ACSL1: variants seen among roughly 807,000 people sequenced by gnomAD.
ACSL1 encodes the protein long-chain-fatty-acid--CoA ligase 1.
ACSL1 carries 41 observed loss-of-function variants against 98.4 expected under a neutral mutation model. The ratio of observed to expected loss-of-function variants is 0.42; its 90% CI spans 0.32 to 0.54. ACSL1 has a LOEUF of 0.54. Ranked by LOEUF, ACSL1 falls within the 20% of genes least tolerant of loss-of-function variation. The pLI is 0.13. For missense variants in ACSL1, 734 were observed against 883.1 expected (o/e 0.83, Z 2.14); for synonymous variants, 316 against 322.7 (o/e 0.98, Z 0.22).
At chr4:184,806,188 T>C (rs1279531348) in intron 1 of ACSL1, among the ~76,000 whole-genome samples, 1 of 152,162 alleles carries the variant, frequency 6.6e-6, no homozygotes, top group African/African-American at 2.4e-5. Flanking sequence ...AAGCAAGGTC[T>C]GCAAGGCACG....
intron 7 of ACSL1, among the ~76,000 whole-genome samples, chr4:184,774,530 C>T (rs1383128852): frequency 5.3e-5 from 8 of 152,100 alleles, no homozygotes; most frequent in Admixed American, 1.3e-4. Flanking sequence ...AAGCATTGCG[C>T]GGGGACAGCA....
In ACSL1 at chr4:184,773,584, A is replaced by G; in HGVS notation, c.841+79T>C. On this transcript the variant is annotated intron_variant, in intron 9 of 20. Transcript: ENST00000281455. The surrounding 1 kb of genome is among the most constrained non-coding windows in gnomAD (Gnocchi z 4.3). ...CTTTTGGTCCGTCTACTGTTAGCTG[A>G]TAAGTCATCCAAAAGAGGTAGGGGA... The G allele has an allele frequency of 2.2e-6, 3 of 1,371,338 alleles. No homozygotes were observed. Among genetic ancestry groups the G allele is most frequent in the Non-Finnish European group, 3.0e-6 (3 of 996,510 alleles). The allele number at this position is 1,371,338 out of a possible 1,614,324, so 84.9% of individuals were successfully genotyped here. A position where few individuals can be genotyped will look rare whatever the true frequency, so the allele number is the denominator to read the frequency against.
At chr4:184,762,249 C>T (rs530775537) in intron 17 of ACSL1, among the ~76,000 whole-genome samples, 158 bp downstream of exon 17, 78 of 152,214 alleles carry the variant, frequency 5.1e-4, no homozygotes, top group Non-Finnish European at 8.1e-4. Flanking sequence ...CTGTCCCCTG[C>T]AGGAAATGGA....
chr4:184,811,382 G>A (rs1055875307), intron 1 of ACSL1, among the ~76,000 whole-genome samples: 2 of 152,206 alleles, frequency 1.3e-5, no homozygotes, highest in African/African-American at 2.4e-5. Context: ...AAAGTGCTGG[G>A]ATTACAGGTG....
intron 10 of ACSL1, among the ~76,000 whole-genome samples, chr4:184,770,932 T>G (rs1764417480): frequency 6.6e-6 from 1 of 152,192 alleles, no homozygotes; most frequent in Non-Finnish European, 1.5e-5. Context: ...AAGACCAGCC[T>G]GGCCAACATG....
intron 2 of ACSL1, among the ~76,000 whole-genome samples, chr4:184,793,902 T>C (rs1053254064): frequency 5.3e-5 from 8 of 152,230 alleles, no homozygotes; most frequent in Non-Finnish European, 2.9e-5. Flanking sequence ...CTCAAGTCCC[T>C]GATATAAAAT....
rs368315348 is a variant in ACSL1 at position 184,773,831 on chromosome 4, C to T, written c.789+12G>A. The T allele has an allele frequency of 1.4e-5, 23 of 1,613,760 alleles. No individual in the cohort carries two copies. The highest frequency in any genetic ancestry group is 7.7e-5 in the South Asian group (7 of 91,078). On this transcript the variant is annotated intron_variant, in intron 8 of 20. Transcript: ENST00000281455. This position sits in a 1 kb window ranked among gnomAD's most constrained non-coding sequence, Gnocchi z 4.3. ...AAAGAGGACAGAGCAGGGTCTGACACGGTGTGCTTACCTTGGGCTTCCGTC... is the reference window on the plus strand; with the variant it reads ...AAAGAGGACAGAGCAGGGTCTGACATGGTGTGCTTACCTTGGGCTTCCGTC...
At chr4:184,821,218 G>T (rs918224043) in intron 1 of ACSL1, 1 of 421,290 alleles carries the variant, frequency 2.4e-6, no homozygotes, top group Non-Finnish European at 4.8e-6. Flanking sequence ...GCCCTGCTTT[G>T]TGGCAGACAC....
At chr4:184,812,276 C>T in intron 1 of ACSL1, 1 of 967,042 alleles carries the variant, frequency 1.0e-6, no homozygotes, top group Non-Finnish European at 1.2e-6. Context: ...AGGACAGGTG[C>T]TTAACAAACA....
chr4:184,768,473 A>G, intron 11 of ACSL1, 23 bp from the exon 12 acceptor site: 1 of 1,598,980 alleles, frequency 6.3e-7, no homozygotes, highest in Non-Finnish European at 8.5e-7. Flanking sequence ...TGGAAAAAAC[A>G]AACATTTTAT....
chr4:184,768,063 A>C, intron 12 of ACSL1: 2 of 477,702 alleles, frequency 4.2e-6, no homozygotes, highest in Non-Finnish European at 7.2e-6. Context: ...TAAAAATAAA[A>C]TGACCTCCCA....
chr4:184,794,550 G>C (rs1192158277), intron 2 of ACSL1, among the ~76,000 whole-genome samples: 1 of 152,090 alleles, frequency 6.6e-6, no homozygotes, highest in African/African-American at 2.4e-5. Flanking sequence ...GGAAAGATGG[G>C]AGGTGAGTGA....
At chr4:184,763,365 ACTT>A (rs1254619125) in intron 15 of ACSL1, 110 bp from the exon 16 acceptor site, 3 of 983,516 alleles carry the variant, frequency 3.1e-6, no homozygotes, top group Non-Finnish European at 3.0e-6. Flanking sequence ...GCTGGGATAA[ACTT>A]CTGATTTCTG....
intron 1 of ACSL1, chr4:184,820,929 G>T (rs553583166): frequency 2.3e-6 from 1 of 429,548 alleles, no homozygotes; most frequent in East Asian, 7.1e-5. Flanking sequence ...TCTAGCTCTG[G>T]AGGGGCAGTA....
chr4:184,766,905 C>A lies in ACSL1; in HGVS notation c.1129-149G>T. ...CCTGGCCGGTCCTCTAACGGCCCCA[C>A]ATGGTCAGCACAGGACAGCAATTCC... On this transcript the variant is annotated intron_variant, in intron 12 of 20. Coordinates refer to ENST00000281455, the MANE Select transcript of ACSL1 (RefSeq NM_001995.5). This position sits in a 1 kb window ranked among gnomAD's most constrained non-coding sequence, Gnocchi z 4.8. The A allele has an allele frequency of 1.2e-6, 1 of 862,320 alleles. No individual in the cohort carries two copies. The highest frequency in any genetic ancestry group is 1.7e-6 in the Non-Finnish European group (1 of 573,480). The allele number at this position is 862,320 out of a possible 1,614,324, so 53.4% of individuals were successfully genotyped here.
intron 1 of ACSL1, among the ~76,000 whole-genome samples, chr4:184,815,738 G>A (rs968550321): frequency 6.6e-6 from 1 of 152,126 alleles, no homozygotes; most frequent in Non-Finnish European, 1.5e-5. Flanking sequence ...TGCCCAGGGA[G>A]AAGAAGATCA....
At chr4:184,788,836 T>C (rs1040042542) in intron 2 of ACSL1, 105 bp from the exon 3 acceptor site, 1 of 830,966 alleles carries the variant, frequency 1.2e-6, no homozygotes, top group African/African-American at 1.7e-5. Context: ...TACATTCTTG[T>C]CACTTATCTG....
intron 1 of ACSL1, among the ~76,000 whole-genome samples, chr4:184,811,331 C>G (rs904174937): frequency 5.3e-5 from 8 of 151,930 alleles, no homozygotes; most frequent in Non-Finnish European, 1.0e-4. Flanking sequence ...CCAGGATGGT[C>G]TCGATCTCCC....
chr4:184,773,589 T>A lies in ACSL1; in HGVS notation c.841+74A>T, dbSNP rs1026765886. On this transcript the variant is annotated intron_variant, in intron 9 of 20. Transcript: ENST00000281455. This position sits in a 1 kb window ranked among gnomAD's most constrained non-coding sequence, Gnocchi z 4.3. ...GGTCCGTCTACTGTTAGCTGATAAG[T>A]CATCCAAAAGAGGTAGGGGAGAGTC... 2.9e-5 allele frequency: 40 copies of A among 1,403,232 alleles called. No individual in the cohort carries two copies. The African/African-American group carries it at 5.5e-4, about 19-fold the overall frequency. The allele number at this position is 1,403,232 out of a possible 1,614,324, so 86.9% of individuals were successfully genotyped here. A position where few individuals can be genotyped will look rare whatever the true frequency, so the allele number is the denominator to read the frequency against.
Sources: allele counts gnomAD v4.1 joint callset (sites outside exome capture counted in the v4.1 genomes callset), GRCh38; gene constraint gnomAD v4.1.1; non-coding constraint Gnocchi (gnomAD v3.1); transcripts MANE v1.5; gene names NCBI Gene and HGNC (gene_info 2026-07-23, HGNC 2026-07-21).